The following ATP8A2 variants were observed in gnomAD, a reference collection of about 807,000 sequenced individuals.
The protein encoded by ATP8A2 is ATPase phospholipid transporting 8A2, also known as phospholipid-transporting ATPase IB.
ATP8A2 carries 100 observed loss-of-function variants against 165.6 expected under a neutral mutation model. The ratio of observed to expected loss-of-function variants is 0.60; its 90% CI spans 0.51 to 0.71. The LOEUF is 0.71. Among genes scored for constraint, ATP8A2 ranks in the 30% least tolerant of loss-of-function variants. The pLI is 0.00. For synonymous variants in ATP8A2, 543 were observed against 548.8 expected (o/e 0.99, Z 0.15); for missense variants, 1,227 against 1,479.5 (o/e 0.83, Z 2.80).
chr13:25,378,055 C>T (rs762676536), intron 1 of ATP8A2, among the ~76,000 whole-genome samples: 54 of 152,086 alleles, frequency 3.6e-4, no homozygotes, highest in Non-Finnish European at 7.1e-4. Context: ...GAATTTGAGG[C>T]TGCAATGAGC....
chr13:25,559,628 T>C (rs1209081570), intron 14 of ATP8A2, 93 bp from the exon 15 acceptor site: 1 of 925,160 alleles, frequency 1.1e-6, no homozygotes, highest in Non-Finnish European at 1.8e-6. Flanking sequence ...TGTAAGTTTG[T>C]ATATCTAATC....
chr13:25,819,184 C>G (rs920734105), intron 27 of ATP8A2, among the ~76,000 whole-genome samples: 2 of 152,062 alleles, frequency 1.3e-5, no homozygotes, highest in African/African-American at 2.4e-5. Context: ...GTGCATTGCT[C>G]TGTAACTTTG....
chr13:25,794,850 C>CAA (rs1950465492), intron 27 of ATP8A2, among the ~76,000 whole-genome samples: 1 of 151,534 alleles, frequency 6.6e-6, no homozygotes, highest in Admixed American at 6.6e-5. Flanking sequence ...CACACACACA[C>CAA]ACACACACAC....
chr13:25,631,123 C>T (rs2041230595), intron 24 of ATP8A2, among the ~76,000 whole-genome samples: 1 of 152,024 alleles, frequency 6.6e-6, no homozygotes, highest in African/African-American at 2.4e-5. Context: ...AAGCAAATCC[C>T]AGGCAATGTT....
chr13:25,485,470 A>G (rs1032206355), intron 2 of ATP8A2, among the ~76,000 whole-genome samples: 22 of 152,278 alleles, frequency 1.4e-4, no homozygotes, highest in African/African-American at 4.6e-4. Flanking sequence ...ATGTGTACAC[A>G]CATAGGCACA....
intron 25 of ATP8A2, among the ~76,000 whole-genome samples, chr13:25,741,135 CTTTG>C (rs560407047): frequency 3.9e-4 from 60 of 152,082 alleles, no homozygotes; most frequent in Non-Finnish European, 6.8e-4. Context: ...TCGGAAAAAT[CTTTG>C]TTTGAGAAAA....
At chr13:25,709,160 A>T (rs1354551393) in intron 25 of ATP8A2, among the ~76,000 whole-genome samples, 1 of 152,172 alleles carries the variant, frequency 6.6e-6, no homozygotes, top group Non-Finnish European at 1.5e-5. Context: ...CGTCCCATCA[A>T]ATTCTTGACA....
At chr13:25,854,791 C>T (rs1952109963) in intron 30 of ATP8A2, among the ~76,000 whole-genome samples, 1 of 152,204 alleles carries the variant, frequency 6.6e-6, no homozygotes, top group Non-Finnish European at 1.5e-5. Flanking sequence ...GACTGAGGAA[C>T]TGAAGTTTTT....
chr13:25,668,498 C>T (rs2042200624), intron 24 of ATP8A2, among the ~76,000 whole-genome samples: 1 of 152,092 alleles, frequency 6.6e-6, no homozygotes, highest in Admixed American at 6.6e-5. Context: ...TAGTATGTCT[C>T]AACATAGATC....
intron 1 of ATP8A2, among the ~76,000 whole-genome samples, chr13:25,382,949 G>A (rs926688234): frequency 1.2e-4 from 18 of 151,138 alleles, no homozygotes; most frequent in African/African-American, 3.9e-4. Flanking sequence ...TGGAGACGGG[G>A]TTTCATCATG....
In ATP8A2 at chr13:25,742,878, G is replaced by C. The variant is rs114385068; in HGVS notation, c.2385-26168G>C. Among the ~76,000 whole-genome samples the C allele has an allele frequency of 8.7e-3, 1,322 of 152,148 alleles. 17 individuals carry two copies. Among genetic ancestry groups the C allele is most frequent in the African/African-American group, 0.029 (1,215 of 41,506 alleles). ...GTGGGAGGATGTATAGAACAGACAA[G>C]TTTGGTGGAGGTGCTCTTATAGCAC... On this transcript the variant is annotated intron_variant, in intron 25 of 36. Transcript: ENST00000381655.
At chr13:25,373,993 ACCTTTTCATT>A (rs1413239529) in intron 1 of ATP8A2, among the ~76,000 whole-genome samples, 4 of 152,136 alleles carry the variant, frequency 2.6e-5, no homozygotes, top group African/African-American at 9.6e-5. Flanking sequence ...CAAGGGGCCC[ACCTTTTCATT>A]TTACACGGGC....
intron 33 of ATP8A2, among the ~76,000 whole-genome samples, chr13:25,903,249 A>G (rs1566254589): frequency 6.6e-6 from 1 of 152,098 alleles, no homozygotes; most frequent in Non-Finnish European, 1.5e-5. Flanking sequence ...CAGTCTCCAT[A>G]CGCAAACAGC....
intron 25 of ATP8A2, among the ~76,000 whole-genome samples, chr13:25,763,407 G>A (rs758229440): frequency 6.6e-6 from 1 of 152,022 alleles, no homozygotes; most frequent in African/African-American, 2.4e-5. Flanking sequence ...ACAGCTCCTC[G>A]CCATGTGTAA....
intron 1 of ATP8A2, among the ~76,000 whole-genome samples, chr13:25,398,619 A>C (rs2033512386): frequency 6.6e-6 from 1 of 152,236 alleles, no homozygotes; most frequent in Middle Eastern, 3.2e-3. Flanking sequence ...CATACAGTAG[A>C]TGTTAATAAA....
intron 24 of ATP8A2, among the ~76,000 whole-genome samples, chr13:25,621,555 G>T (rs1488761010): frequency 6.6e-6 from 1 of 151,996 alleles, no homozygotes; most frequent in Non-Finnish European, 1.5e-5. Context: ...TGCCTTTTTA[G>T]AATGAGCTCA....
chr13:25,520,298 A>G (rs921756284), intron 2 of ATP8A2, among the ~76,000 whole-genome samples: 7 of 152,134 alleles, frequency 4.6e-5, no homozygotes, highest in African/African-American at 1.4e-4. Flanking sequence ...GGCTTATTTC[A>G]CTTAATATAA....
chr13:25,567,200 G>T (rs2039340239), intron 16 of ATP8A2: 1 of 382,978 alleles, frequency 2.6e-6, no homozygotes, highest in Admixed American at 3.0e-5. Flanking sequence ...TGGTGTTTTG[G>T]GTCCCTGTGA....
At chr13:25,544,474 C>T (rs959774413) in intron 10 of ATP8A2, among the ~76,000 whole-genome samples, 2 of 151,974 alleles carry the variant, frequency 1.3e-5, no homozygotes, top group African/African-American at 2.4e-5. Context: ...TGGTGGCCAC[C>T]GCAGCTAGTA....
Sources: allele counts gnomAD v4.1 joint callset (sites outside exome capture counted in the v4.1 genomes callset), GRCh38; gene constraint gnomAD v4.1.1; transcripts MANE v1.5; gene names NCBI Gene and HGNC (gene_info 2026-07-23, HGNC 2026-07-21).